Variants in SETD7 observed in about 807,000 individuals in gnomAD.
The protein encoded by SETD7 is SET domain containing 7, histone lysine methyltransferase.
SETD7 carries 16 observed loss-of-function variants against 41.8 expected under a neutral mutation model. The ratio of observed to expected loss-of-function variants is 0.38; its 90% CI spans 0.26 to 0.58. The LOEUF (loss-of-function observed/expected upper bound fraction) is 0.58, where lower values mean the gene tolerates loss of function less well. Ranked by LOEUF, SETD7 falls within the 20% of genes least tolerant of loss-of-function variation. The probability of loss-of-function intolerance (pLI) is 0.64; values close to 1 mark genes in which losing one functional copy is unlikely to be tolerated. For missense variants in SETD7, 346 were observed against 459.7 expected (o/e 0.75, Z 2.26); for synonymous variants, 163 against 169.7 (o/e 0.96, Z 0.31).
chr4:139,509,738 G>A lies in SETD7; in HGVS notation c.*1925C>T, dbSNP rs1560674492. 2.0e-6 allele frequency: 2 copies of A among 985,484 alleles called. No homozygotes were observed. The highest frequency in any genetic ancestry group is 2.4e-6 in the Non-Finnish European group (2 of 829,960). 61.0% of individuals were successfully genotyped at this position (985,484 alleles called of 1,614,324 possible). A position where few individuals can be genotyped will look rare whatever the true frequency, so the allele number is the denominator to read the frequency against. On this transcript the variant is annotated 3_prime_UTR_variant, in exon 8 of 8. Transcript: ENST00000274031. ...GAGGCCCTGGCCCATCCGTCACAGTGTATAGAACGGTCTCTTTCTACAGAG... is the reference window on the plus strand; with the variant it reads ...GAGGCCCTGGCCCATCCGTCACAGTATATAGAACGGTCTCTTTCTACAGAG...
chr4:139,545,898 G>C (rs1727929599), intron 2 of SETD7, among the ~76,000 whole-genome samples: 1 of 152,108 alleles, frequency 6.6e-6, no homozygotes, highest in Non-Finnish European at 1.5e-5. Context: ...CCAACCAACG[G>C]GTCTGAAAAT....
Position 139,497,960 on chromosome 4 carries a change from C to A in SETD7, c.921-1439G>T, listed in dbSNP as rs537213112. Among the ~76,000 whole-genome samples the A allele has an allele frequency of 5.3e-5, 8 of 152,232 alleles. No individual in the cohort carries two copies. In the East Asian group the frequency reaches 1.2e-3, roughly 22 times the overall value. On this transcript the variant is annotated intron_variant, in intron 7 of 7. Transcript: ENST00000506866. Reference sequence around the variant, plus strand: ...AATAAATCCTCACCACAAGAGGGAGCTGGACCATGAAGAAATTAATGGGTT... The same window carrying A: ...AATAAATCCTCACCACAAGAGGGAGATGGACCATGAAGAAATTAATGGGTT...
At chr4:139,517,643 T>C (rs1727065150) in intron 7 of SETD7, among the ~76,000 whole-genome samples, 4 of 152,214 alleles carry the variant, frequency 2.6e-5, no homozygotes, top group Admixed American at 2.6e-4. Context: ...CGGTGTGGTA[T>C]ACTATTTCCA....
At chr4:139,497,746 C>G (rs1726492791) in intron 7 of SETD7, among the ~76,000 whole-genome samples, 1 of 151,944 alleles carries the variant, frequency 6.6e-6, no homozygotes, top group African/African-American at 2.4e-5. Flanking sequence ...GCGCCTGCCA[C>G]TACGCCCGGC....
intron 2 of SETD7, among the ~76,000 whole-genome samples, chr4:139,539,153 C>T (rs1184505427): frequency 2.6e-5 from 4 of 151,986 alleles, no homozygotes; most frequent in African/African-American, 7.3e-5. Context: ...TTGGACCTTC[C>T]GCCTCCTGGG....
At chr4:139,516,700 A>C (rs1727036180) in intron 7 of SETD7, among the ~76,000 whole-genome samples, 1 of 152,144 alleles carries the variant, frequency 6.6e-6, no homozygotes, top group Admixed American at 6.5e-5. Flanking sequence ...TTAATATATA[A>C]TTTATATACA....
chr4:139,533,533 C>T (rs575257347), intron 2 of SETD7, among the ~76,000 whole-genome samples, 167 bp from the exon 3 acceptor site: 1 of 152,220 alleles, frequency 6.6e-6, no homozygotes, highest in South Asian at 2.1e-4. Context: ...GCTTCATGGA[C>T]GTGGGTAAGA....
At chr4:139,504,958 C>T (rs564261776), downstream of SETD7, among the ~76,000 whole-genome samples, 2 of 152,182 alleles carry the variant, frequency 1.3e-5, no homozygotes, top group East Asian at 1.9e-4. Context: ...TTGACCCATG[C>T]GTGTTAGAGG....
intron 7 of SETD7, among the ~76,000 whole-genome samples, chr4:139,497,836 AC>A (rs1726494826): frequency 6.6e-6 from 1 of 152,006 alleles, no homozygotes; most frequent in Non-Finnish European, 1.5e-5. Context: ...CAGGTGATCC[AC>A]CCGCCTCGGC....
intron 1 of SETD7, among the ~76,000 whole-genome samples, chr4:139,549,622 T>C (rs1026206746): frequency 7.9e-5 from 12 of 152,064 alleles, no homozygotes; most frequent in Middle Eastern, 6.8e-3. Flanking sequence ...CTTTATTTTT[T>C]AGAGACAGGG....
At chr4:139,532,635 A>G (rs1727519288) in intron 3 of SETD7, 1 of 154,870 alleles carries the variant, frequency 6.5e-6, no homozygotes, top group Non-Finnish European at 1.4e-5. Context: ...ATGCTATCAA[A>G]TACTCAAAGG....
At chr4:139,521,460 G>A (rs1366195390) in intron 5 of SETD7, among the ~76,000 whole-genome samples, 4 of 151,494 alleles carry the variant, frequency 2.6e-5, no homozygotes, top group Admixed American at 1.3e-4. Flanking sequence ...TCATAATTAC[G>A]GAACTGGATT....
At chr4:139,524,249 C>T (rs1727259083) in intron 4 of SETD7, among the ~76,000 whole-genome samples, 1 of 152,138 alleles carries the variant, frequency 6.6e-6, no homozygotes, top group Non-Finnish European at 1.5e-5. Flanking sequence ...TTTTGTACAA[C>T]CAAAACCCCA....
intron 1 of SETD7, among the ~76,000 whole-genome samples, chr4:139,551,641 A>AG (rs2111179021): frequency 6.6e-6 from 1 of 152,310 alleles, no homozygotes; most frequent in Non-Finnish European, 1.5e-5. Flanking sequence ...AAGAGATCTG[A>AG]GAGTGGCGTG....
rs1726878976 is a variant in SETD7 at position 139,511,597 on chromosome 4, T to C, written c.*66A>G. 1 of 1,602,164 alleles carries C rather than the reference T, an allele frequency of 6.2e-7. No homozygotes were observed. Among genetic ancestry groups the C allele is most frequent in the Non-Finnish European group, 8.5e-7 (1 of 1,177,468 alleles). On this transcript the variant is annotated 3_prime_UTR_variant, in exon 8 of 8. Transcript: ENST00000274031. ...TGAGCAGTCCCTGGTTGTCCCATTG[T>C]CAGATAAACGTAGTGCATAGATCCA...
Position 139,533,791 on chromosome 4 carries a change from A to G in SETD7, c.171-425T>C, listed in dbSNP as rs145637476. ...CAAGGGTCTTTCAGATGGCTTGTAT[A>G]TAGTAATCTCTAATGATAGAAATGT... On this transcript the variant is annotated intron_variant, in intron 2 of 7. Transcript: ENST00000274031. Among the ~76,000 whole-genome samples the G allele has an allele frequency of 2.3e-3, 350 of 152,310 alleles. 1 individual carries two copies. Among genetic ancestry groups the G allele is most frequent in the African/African-American group, 8.1e-3 (338 of 41,550 alleles).
intron 7 of SETD7, among the ~76,000 whole-genome samples, chr4:139,497,594 TTTG>T: frequency 6.7e-6 from 1 of 150,356 alleles, no homozygotes; most frequent in Non-Finnish European, 1.5e-5. Flanking sequence ...TTTTTGTTTT[TTTG>T]TTTTTTTTTT....
intron 1 of SETD7, among the ~76,000 whole-genome samples, chr4:139,553,969 G>A (rs573304278): frequency 6.6e-6 from 1 of 152,288 alleles, no homozygotes; most frequent in South Asian, 2.1e-4. Context: ...GCACAGGTAC[G>A]GTTTACTGCA....
chr4:139,551,566 A>G (rs1008429232), intron 1 of SETD7, among the ~76,000 whole-genome samples: 16 of 152,094 alleles, frequency 1.1e-4, no homozygotes, highest in Non-Finnish European at 2.1e-4. Flanking sequence ...GTACATCTCA[A>G]TCTCAGCAAA....
Sources: gnomAD v4.1 joint callset for allele counts (sites outside exome capture counted in the v4.1 genomes callset) on GRCh38, gnomAD v4.1.1 for gene constraint, MANE v1.5 for transcripts, NCBI Gene and HGNC (gene_info 2026-07-23, HGNC 2026-07-21) for gene names.